The following RBP3 variants were observed in gnomAD, a reference collection of about 807,000 sequenced individuals.
RBP3 encodes retinol-binding protein 3.
Under a neutral mutation model 64.8 loss-of-function variants are expected in RBP3, and 50 were observed. The observed-to-expected ratio is 0.77, with a 90% CI of 0.61 to 0.98. The LOEUF (loss-of-function observed/expected upper bound fraction) is 0.98, where lower values mean the gene tolerates loss of function less well. Among genes scored for constraint, RBP3 ranks in the 50% least tolerant of loss-of-function variants. The pLI, the probability that RBP3 is intolerant of heterozygous loss-of-function variation, is 0.00. For synonymous variants in RBP3, 828 were observed against 730.2 expected (o/e 1.13, Z -2.16); for missense variants, 1,712 against 1,660.5 (o/e 1.03, Z -0.54).
chr10:47,349,900 G>A lies in RBP3; in HGVS notation c.1416G>A (p.Glu472=), dbSNP rs1555211209. 2.5e-6 allele frequency: 4 copies of A among 1,613,030 alleles called. No homozygotes were observed. Among genetic ancestry groups the A allele is most frequent in the Non-Finnish European group, 2.5e-6 (3 of 1,179,978 alleles). The part of the protein sequence containing the change: ...RQVWEPLQDT[E]HLIMDLRHNP... Reference sequence around the variant, plus strand: ...TGTGGGAGCCGCTACAGGACACGGAGCACCTCATCATGGACCTGCGCCACA... The same window carrying A: ...TGTGGGAGCCGCTACAGGACACGGAACACCTCATCATGGACCTGCGCCACA... Residue 472 remains glutamate, a synonymous_variant, in exon 1 of 4, where the codon GAG becomes GAA. Transcript: ENST00000584701.
In RBP3 at chr10:47,349,745, A is replaced by T; in HGVS notation, c.1261A>T (p.Ile421Phe). The T allele has an allele frequency of 6.2e-7, 1 of 1,612,830 alleles. No individual in the cohort carries two copies. The highest frequency in any genetic ancestry group is 8.5e-7 in the Non-Finnish European group (1 of 1,180,004). The change falls in exon 1 of 4, where the codon ATC (isoleucine) becomes TTC (phenylalanine). Residue 421 changes from isoleucine (I) to phenylalanine (F), a missense_variant. Physicochemically the swap from Ile to Phe is conservative, Grantham distance 21. Coordinates refer to ENST00000584701, the MANE Select transcript of RBP3 (RefSeq NM_002900.3). The part of the protein sequence containing the change: ...VAPELPEDEA[I>F]RQALVDSVFQ... ...CCCAGAGTTGCCTGAGGACGAGGCT[A>T]TCCGGCAAGCACTGGTGGACTCTGT...
At chr10:47,355,252 C>A in intron 2 of RBP3, 124 bp from the exon 3 acceptor site, 1 of 1,125,840 alleles carries the variant, frequency 8.9e-7, no homozygotes, top group Non-Finnish European at 1.3e-6. Flanking sequence ...GAGGAAGAGG[C>A]ACTAGACTGA....
At position 47,355,381 on chromosome 10, in the gene RBP3, A is replaced by G. The variant is rs1555211909; in HGVS notation, c.3251A>G (p.Asn1084Ser). ...TDAMIIDMRFNIGGPTSSIPI... is the reference protein window; with the variant it reads ...TDAMIIDMRFSIGGPTSSIPI... ...CTCTGCTTCCCATCCTTCAGGTTCAACATCGGTGGCCCCACATCCTCCATT... is the reference window on the plus strand; with the variant it reads ...CTCTGCTTCCCATCCTTCAGGTTCAGCATCGGTGGCCCCACATCCTCCATT... Residue 1084 changes from asparagine to serine, a missense_variant, in exon 3 of 4, where the codon AAC (asparagine) becomes AGC (serine). Asn to Ser is a conservative substitution (Grantham distance 46). Transcript: ENST00000584701. 4 of 1,613,866 alleles carry G rather than the reference A, an allele frequency of 2.5e-6. No homozygotes were observed. Among genetic ancestry groups the G allele is most frequent in the Non-Finnish European group, 3.4e-6 (4 of 1,180,036 alleles).
chr10:47,350,141 G>A lies in RBP3; in HGVS notation c.1657G>A (p.Ala553Thr), dbSNP rs782217999. ...HRTATAAEEF[A>T]FLMQSLGWAT... is the part of the protein sequence containing the mutation. The stretch of plus-strand genomic sequence containing the variant: ...CACCGCCACGGCCGCGGAGGAGTTC[G>A]CCTTCCTTATGCAGTCGCTGGGCTG... The change falls in exon 1 of 4, where the codon GCC becomes ACC. Residue 553 changes from alanine to threonine, a missense_variant. Physicochemically the swap from Ala to Thr is moderately conservative, Grantham distance 58. Transcript: ENST00000584701. 3.7e-5 allele frequency: 60 copies of A among 1,612,794 alleles called. No homozygotes were observed. Among genetic ancestry groups the A allele is most frequent in the South Asian group, 1.1e-4 (10 of 91,090 alleles).
chr10:47,350,767 G>A lies in RBP3; in HGVS notation c.2283G>A (p.Gly761=). The change falls in exon 1 of 4, where the codon GGG becomes GGA. Residue 761 remains glycine, a synonymous_variant. Transcript: ENST00000584701. The stretch of plus-strand genomic sequence containing the variant: ...AACTGGAGACAGTGAAGGCCGTGGG[G>A]CCACAGCTGGTGCGGCTGGTATGGC... ...MAELETVKAV[G]PQLVRLVWQQ... The A allele has an allele frequency of 6.2e-7, 1 of 1,613,184 alleles. No homozygotes were observed. Among genetic ancestry groups the A allele is most frequent in the South Asian group, 1.1e-5 (1 of 91,084 alleles).
rs1222828501 is a variant in RBP3, at chr10:47,357,658, G to GTA, written c.*211_*212dup. On this transcript the variant is annotated 3_prime_UTR_variant, in exon 4 of 4. Transcript: ENST00000584701. ...CATATATATGTGTATGTATATATAT[G>GTA]TATATATATATGGCTTTCCAATAAC... 2.1e-5 allele frequency: 11 copies of GTA among 532,442 alleles called. No homozygotes were observed. Among genetic ancestry groups the GTA allele is most frequent in the African/African-American group, 7.6e-5 (4 of 52,792 alleles). 33.0% of individuals were successfully genotyped at this position (532,442 alleles called of 1,614,324 possible). A position where few individuals can be genotyped will look rare whatever the true frequency, so the allele number is the denominator to read the frequency against.
At position 47,349,951 on chromosome 10, in the gene RBP3, G is replaced by A. The variant is rs781937501; in HGVS notation, c.1467G>A (p.Val489=). ...ACCCTGGAGGGCCATCCTCTGCTGTGCCCCTGCTCCTGTCCTACTTCCAGG... is the reference window on the plus strand; with the variant it reads ...ACCCTGGAGGGCCATCCTCTGCTGTACCCCTGCTCCTGTCCTACTTCCAGG... The part of the protein sequence containing the change: ...RHNPGGPSSA[V]PLLLSYFQGP... Residue 489 remains valine, a synonymous_variant, in exon 1 of 4, where the codon GTG becomes GTA. Transcript: ENST00000584701. 1.2e-6 allele frequency: 2 copies of A among 1,612,352 alleles called. No homozygotes were observed. The highest frequency in any genetic ancestry group is 1.7e-6 in the Non-Finnish European group (2 of 1,179,370).
chr10:47,348,713 G>C lies in RBP3; in HGVS notation c.229G>C (p.Gly77Arg), dbSNP rs781916311. ...PQTLASVLTA[G>R]VQSSLNDPRL... is the part of the protein sequence containing the mutation. ...GACGCTGGCCAGTGTGCTGACAGCCGGGGTGCAGAGCTCCCTGAACGATCC... is the reference window on the plus strand; with the variant it reads ...GACGCTGGCCAGTGTGCTGACAGCCCGGGTGCAGAGCTCCCTGAACGATCC... The change falls in exon 1 of 4, where the codon GGG (glycine) becomes CGG (arginine). Residue 77 changes from glycine (G) to arginine (R), a missense_variant. Coordinates refer to ENST00000584701, the MANE Select transcript of RBP3 (RefSeq NM_002900.3). The C allele has an allele frequency of 3.1e-6, 5 of 1,613,480 alleles. No homozygotes were observed. Among genetic ancestry groups the C allele is most frequent in the African/African-American group, 1.3e-5 (1 of 74,924 alleles).
rs1837035136 is a variant in RBP3 at position 47,355,537 on chromosome 10, T to C, written c.3388+19T>C. ...GTTGTAGGTACGTGGAGAAGCTTTCTCCTTTCTGCTGTCATTCTAGAAGCT... is the reference window on the plus strand; with the variant it reads ...GTTGTAGGTACGTGGAGAAGCTTTCCCCTTTCTGCTGTCATTCTAGAAGCT... On this transcript the variant is annotated intron_variant, in intron 3 of 3. Transcript: ENST00000584701. The C allele has an allele frequency of 6.2e-7, 1 of 1,613,978 alleles. No individual in the cohort carries two copies. The highest frequency in any genetic ancestry group is 1.7e-5 in the Admixed American group (1 of 60,014).
In RBP3 at chr10:47,350,550, A is replaced by ATG; in HGVS notation, c.2066_2067insTG (p.Leu690AlafsTer12). On this transcript the variant is annotated frameshift_variant, in exon 1 of 4. Transcript: ENST00000584701. LOFTEE classifies it high-confidence loss of function. ...TCTCTGGCCTCTCAGCTCACAGCAGACCTCCAGGAGGTGTCTGGGGACCAC... is the reference window on the plus strand; with the variant it reads ...TCTCTGGCCTCTCAGCTCACAGCAGATGCCTCCAGGAGGTGTCTGGGGACCAC... 1 of 1,612,874 alleles carries ATG rather than the reference A, an allele frequency of 6.2e-7. No homozygotes were observed. Among genetic ancestry groups the ATG allele is most frequent in the Non-Finnish European group, 8.5e-7 (1 of 1,180,002 alleles).
At chr10:47,354,205 G>A (rs1365345909) in intron 2 of RBP3, among the ~76,000 whole-genome samples, 1 of 152,208 alleles carries the variant, frequency 6.6e-6, no homozygotes, top group Non-Finnish European at 1.5e-5. Flanking sequence ...GGTAGGAGGT[G>A]GATGAGTACC....
Position 47,351,284 on chromosome 10 carries a change from C to A in RBP3, c.2800C>A (p.Arg934Ser), listed in dbSNP as rs200537174. 1 of 1,613,316 alleles carries A rather than the reference C, an allele frequency of 6.2e-7. No individual in the cohort carries two copies. The highest frequency in any genetic ancestry group is 1.3e-5 in the African/African-American group (1 of 74,952). ...LSIAQDIVAL[R>S]AKVPTVLQTA... ...CATAGCCCAGGACATAGTGGCTCTG[C>A]GTGCCAAGGTGCCCACGGTGCTGCA... The change falls in exon 1 of 4, where the codon CGT becomes AGT. Residue 934 changes from arginine to serine, a missense_variant. Arg to Ser is a moderately radical substitution (Grantham distance 110). Coordinates refer to ENST00000584701, the MANE Select transcript of RBP3 (RefSeq NM_002900.3).
chr10:47,351,155 G>A lies in RBP3; in HGVS notation c.2671G>A (p.Ala891Thr). The A allele has an allele frequency of 1.9e-6, 3 of 1,613,122 alleles. No individual in the cohort carries two copies. The highest frequency in any genetic ancestry group is 2.5e-6 in the Non-Finnish European group (3 of 1,180,048). ...CCAGGTGGGCAGCAGCCCCTTATAT[G>A]CATCCATGCCCACCCAGATGGCCAT... is the stretch of plus-strand genomic sequence containing the variant. ...IYQVGSSPLY[A>T]SMPTQMAMSA... is the part of the protein sequence containing the mutation. The change falls in exon 1 of 4, where the codon GCA becomes ACA. Residue 891 changes from alanine (A) to threonine (T), a missense_variant. Physicochemically the swap from Ala to Thr is moderately conservative, Grantham distance 58. Coordinates refer to ENST00000584701, the MANE Select transcript of RBP3 (RefSeq NM_002900.3).
Position 47,349,246 on chromosome 10 carries a change from G to A in RBP3, c.762G>A (p.Val254=). 1 of 1,613,316 alleles carries A rather than the reference G, an allele frequency of 6.2e-7. No individual in the cohort carries two copies. The highest frequency in any genetic ancestry group is 8.5e-7 in the Non-Finnish European group (1 of 1,180,022). ...TTAAGCAGATGCGCAGGGCCATCGT[G>A]GTGGGCGAGCGGACTGGGGGAGGGG... ...HILKQMRRAI[V]VGERTGGGAL... is the part of the protein sequence containing the mutation. The change falls in exon 1 of 4, where the codon GTG becomes GTA. Residue 254 remains valine, a synonymous_variant. Coordinates refer to ENST00000584701, the MANE Select transcript of RBP3 (RefSeq NM_002900.3).
At chr10:47,357,026 C>A in intron 3 of RBP3, 76 bp from the exon 4 acceptor site, 1 of 1,401,080 alleles carries the variant, frequency 7.1e-7, no homozygotes, top group Non-Finnish European at 9.8e-7. Context: ...TCACTGCAGG[C>A]CCAGGCAGGA....
In RBP3 at chr10:47,348,625, C is replaced by T. The variant is rs782670892; in HGVS notation, c.141C>T (p.Gly47=). ...ACTGCTTCCCGGAGAACCTGCTGGG[C>T]ATGCAGGAAGCCATCCAGCAGGCCA... ...DNYCFPENLL[G]MQEAIQQAIK... The change falls in exon 1 of 4, where the codon GGC becomes GGT. Residue 47 remains glycine (G), a synonymous_variant. Coordinates refer to ENST00000584701, the MANE Select transcript of RBP3 (RefSeq NM_002900.3). The T allele has an allele frequency of 1.9e-6, 3 of 1,613,526 alleles. No homozygotes were observed. The South Asian group carries it at 3.3e-5, about 18-fold the overall frequency.
At position 47,350,904 on chromosome 10, in the gene RBP3, A is replaced by AGCACC; in HGVS notation, c.2421_2425dup (p.Leu809ArgfsTer37). 6.2e-7 allele frequency: 1 copy of AGCACC among 1,613,040 alleles called. No homozygotes were observed. The highest frequency in any genetic ancestry group is 8.5e-7 in the Non-Finnish European group (1 of 1,180,000). ...TACTTCTTTGAGGCAGAGCCCCGCC[A>AGCACC]GCACCTGTATTCTGTCTTTGACAGG... On this transcript the variant is annotated frameshift_variant, in exon 1 of 4. Coordinates refer to ENST00000584701, the MANE Select transcript of RBP3 (RefSeq NM_002900.3). LOFTEE classifies it high-confidence loss of function.
chr10:47,349,935 G>A lies in RBP3; in HGVS notation c.1451G>A (p.Gly484Glu). The A allele has an allele frequency of 1.2e-6, 2 of 1,612,418 alleles. No individual in the cohort carries two copies. Among genetic ancestry groups the A allele is most frequent in the Non-Finnish European group, 1.7e-6 (2 of 1,179,400 alleles). The change falls in exon 1 of 4, where the codon GGG becomes GAG. Residue 484 changes from glycine to glutamate, a missense_variant. Gly to Glu is a moderately conservative substitution (Grantham distance 98, BLOSUM62 -2). Coordinates refer to ENST00000584701, the MANE Select transcript of RBP3 (RefSeq NM_002900.3). ...LIMDLRHNPG[G>E]PSSAVPLLLS... ...ATGGACCTGCGCCACAACCCTGGAGGGCCATCCTCTGCTGTGCCCCTGCTC... is the reference window on the plus strand; with the variant it reads ...ATGGACCTGCGCCACAACCCTGGAGAGCCATCCTCTGCTGTGCCCCTGCTC...
intron 1 of RBP3, 36 bp from the exon 2 acceptor site, chr10:47,353,289 C>T (rs1034491631): frequency 6.2e-7 from 1 of 1,607,576 alleles, no homozygotes; most frequent in East Asian, 2.2e-5. Flanking sequence ...ACTGGCTGCT[C>T]CTCCTGACAC....
Sources: gnomAD v4.1 joint callset for allele counts (sites outside exome capture counted in the v4.1 genomes callset) on GRCh38, gnomAD v4.1.1 for gene constraint, MANE v1.5 for transcripts, NCBI Gene and HGNC (gene_info 2026-07-23, HGNC 2026-07-21) for gene names.